Variants in MAP7D1 observed in about 807,000 individuals in gnomAD.
The protein encoded by MAP7D1 is MAP7 domain containing 1.
MAP7D1 carries 30 observed loss-of-function variants against 97.5 expected under a neutral mutation model. The observed-to-expected ratio is 0.31, with a 90% CI of 0.23 to 0.42. MAP7D1 has a LOEUF of 0.42. Among genes scored for constraint, MAP7D1 ranks in the 10% least tolerant of loss-of-function variants. The probability of loss-of-function intolerance (pLI) is 1.00; values close to 1 mark genes in which losing one functional copy is unlikely to be tolerated. For missense variants in MAP7D1, 1,184 were observed against 1,179.5 expected (o/e 1.00, Z -0.06); for synonymous variants, 536 against 477.1 (o/e 1.12, Z -1.61).
At position 36,176,848 on chromosome 1, in the gene MAP7D1, C is replaced by T. The variant is rs577166943; in HGVS notation, c.1379+6C>T. 4.5e-5 allele frequency: 71 copies of T among 1,586,210 alleles called. No individual in the cohort carries two copies. Among genetic ancestry groups the T allele is most frequent in the Middle Eastern group, 4.1e-4 (2 of 4,896 alleles). ...AGCACCGCCTCTGAGCTCAGGTGGG[C>T]GCGGGCGGTGCGAGGGACCCTGCCC... On this transcript the variant is annotated splice_donor_region_variant and intron_variant, in intron 8 of 16. Transcript: ENST00000474796. This position sits in a 1 kb window ranked among gnomAD's most constrained non-coding sequence, Gnocchi z 6.1.
chr1:36,167,567 G>A (rs1265268194), intron 1 of MAP7D1, among the ~76,000 whole-genome samples: 2 of 152,176 alleles, frequency 1.3e-5, no homozygotes, highest in Non-Finnish European at 2.9e-5. Context: ...TGCCACCGAT[G>A]ATGTACCCGT....
At chr1:36,169,584 T>A (rs1224912955) in intron 1 of MAP7D1, among the ~76,000 whole-genome samples, 1 of 151,986 alleles carries the variant, frequency 6.6e-6, no homozygotes, top group Non-Finnish European at 1.5e-5. Context: ...AAATGTTTCC[T>A]TAGATGAAGC....
At chr1:36,162,802 A>G (rs1317260658) in intron 1 of MAP7D1, among the ~76,000 whole-genome samples, 1 of 151,924 alleles carries the variant, frequency 6.6e-6, no homozygotes, top group Non-Finnish European at 1.5e-5. Flanking sequence ...TTTCTACAGT[A>G]CCCCCACCCA....
intron 1 of MAP7D1, among the ~76,000 whole-genome samples, chr1:36,169,960 C>T (rs186720094): frequency 1.3e-5 from 2 of 152,266 alleles, no homozygotes; most frequent in Admixed American, 1.3e-4. Flanking sequence ...AAGACCCTAT[C>T]TCTTAAAAAA....
At chr1:36,174,780 G>A in intron 5 of MAP7D1, 118 bp from the exon 6 acceptor site, 2 of 273,018 alleles carry the variant, frequency 7.3e-6, no homozygotes, top group Non-Finnish European at 1.5e-5. Context: ...CCTCATCCTA[G>A]CCTGCCCACT....
chr1:36,172,413 A>C (rs1644557138), intron 3 of MAP7D1, 51 bp from the exon 4 acceptor site: 1 of 1,401,314 alleles, frequency 7.1e-7, no homozygotes, highest in African/African-American at 1.4e-5. Context: ...TCCTTGGCCC[A>C]GGCCTTCTGC....
In MAP7D1 at chr1:36,171,255, A is replaced by C; in HGVS notation, c.331A>C (p.Arg111=). The change falls in exon 2 of 17, where the codon AGG becomes CGG. Residue 111 remains arginine, a synonymous_variant. Transcript: ENST00000474796. ...CCCACGGGATGCCAGACCTCCTCGA[A>C]GGAGCAGCCAGCCATCTCCAACAGC... ...MGPRDARPPR[R]SSQPSPTAVP... 6.3e-7 allele frequency: 1 copy of C among 1,597,282 alleles called. No homozygotes were observed.
At chr1:36,179,397 G>A in intron 13 of MAP7D1, 82 bp downstream of exon 13, 6 of 1,587,110 alleles carry the variant, frequency 3.8e-6, no homozygotes, top group African/African-American at 1.3e-5. Context: ...CCATGGCCAC[G>A]GAGAGCGAGG....
chr1:36,161,877 ATG>A (rs10531948), intron 1 of MAP7D1, among the ~76,000 whole-genome samples: 89,521 of 138,894 alleles, frequency 0.64, 29,344 homozygotes, highest in Non-Finnish European at 0.77. Context: ...GTGTGTGTGT[ATG>A]TGTGTGTGTG....
At chr1:36,175,033 C>T (rs1216112549) in intron 6 of MAP7D1, 25 bp downstream of exon 6, 4 of 1,495,808 alleles carry the variant, frequency 2.7e-6, no homozygotes, top group Non-Finnish European at 9.3e-7. Flanking sequence ...AGCCCTTCCC[C>T]CTCCAGAGCC....
At chr1:36,168,745 C>T (rs1053639559) in intron 1 of MAP7D1, among the ~76,000 whole-genome samples, 1 of 152,152 alleles carries the variant, frequency 6.6e-6, no homozygotes, top group African/African-American at 2.4e-5. Flanking sequence ...TATTGCGTAA[C>T]ACCTATTCCC....
chr1:36,180,504 A>G lies in MAP7D1; in HGVS notation c.*246A>G, dbSNP rs1266077508. The G allele has an allele frequency of 3.5e-6, 2 of 565,006 alleles. No individual in the cohort carries two copies. The highest frequency in any genetic ancestry group is 6.3e-6 in the Non-Finnish European group (2 of 315,500). 35.0% of individuals were successfully genotyped at this position (565,006 alleles called of 1,614,324 possible). A position where few individuals can be genotyped will look rare whatever the true frequency, so the allele number is the denominator to read the frequency against. ...CCTTCTCCCCCATACACACATATAC[A>G]CTCACAGCCTCTCTGGCCTCTTCCC... On this transcript the variant is annotated 3_prime_UTR_variant, in exon 17 of 17. Transcript: ENST00000474796.
At chr1:36,172,058 G>C in intron 3 of MAP7D1, 1 of 179,600 alleles carries the variant, frequency 5.6e-6, no homozygotes, top group Non-Finnish European at 1.2e-5. Context: ...CAGAGGCTCA[G>C]AGAGATGAAA....
Position 36,176,741 on chromosome 1 carries a change from G to A in MAP7D1, c.1278G>A (p.Lys426=). 6.2e-7 allele frequency: 1 copy of A among 1,604,676 alleles called. No homozygotes were observed. Among genetic ancestry groups the A allele is most frequent in the Non-Finnish European group, 8.5e-7 (1 of 1,176,246 alleles). ...EKKDKERENE[K]EKSALARERS... ...AGGACAAGGAGCGGGAAAACGAGAA[G>A]GAGAAGAGTGCCCTAGCCCGGGAGC... The change falls in exon 8 of 17, where the codon AAG becomes AAA. Residue 426 remains lysine (K), a synonymous_variant. Transcript: ENST00000474796. This position sits in a 1 kb window ranked among gnomAD's most constrained non-coding sequence, Gnocchi z 6.1.
At position 36,176,638 on chromosome 1, in the gene MAP7D1, T is replaced by A. The variant is rs1644628662; in HGVS notation, c.1233+57T>A. On this transcript the variant is annotated intron_variant, in intron 7 of 16. Coordinates refer to ENST00000474796, the MANE Select transcript of MAP7D1 (RefSeq NM_001388490.1). The surrounding 1 kb of genome is among the most constrained non-coding windows in gnomAD (Gnocchi z 6.1). ...CAGGTGGGGACAGGCAGCCTGGAAC[T>A]GGGGTACGCGGGCGCTGCTGACCTC... 3 of 1,582,552 alleles carry A rather than the reference T, an allele frequency of 1.9e-6. No individual in the cohort carries two copies. The Admixed American group carries it at 5.2e-5, about 27-fold the overall frequency.
chr1:36,171,608 T>G, intron 3 of MAP7D1, 27 bp downstream of exon 3: 2 of 1,612,256 alleles, frequency 1.2e-6, no homozygotes, highest in Non-Finnish European at 1.7e-6. Flanking sequence ...CCTCATCATC[T>G]TCTTCATCGT....
intron 1 of MAP7D1, among the ~76,000 whole-genome samples, chr1:36,161,356 T>G (rs1021577429): frequency 6.6e-6 from 1 of 151,966 alleles, no homozygotes; most frequent in Non-Finnish European, 1.5e-5. Context: ...GACCTCCTAT[T>G]CTCCCAGCCC....
rs755526568 is a variant in MAP7D1 at position 36,179,538 on chromosome 1, C to T, written c.2208C>T (p.Asn736=). ...ETKKQDSKEA[N]ANGSSPEPVK... is the part of the protein sequence containing the mutation. Reference sequence around the variant, plus strand: ...AGAAGCAGGACAGCAAGGAGGCCAACGCCAACGGTTCCAGCCCAGGTAAAG... The same window carrying T: ...AGAAGCAGGACAGCAAGGAGGCCAATGCCAACGGTTCCAGCCCAGGTAAAG... The change falls in exon 14 of 17, where the codon AAC becomes AAT. Residue 736 remains asparagine (N), a synonymous_variant. Coordinates refer to ENST00000474796, the MANE Select transcript of MAP7D1 (RefSeq NM_001388490.1). The T allele has an allele frequency of 6.3e-7, 1 of 1,575,188 alleles. No homozygotes were observed. The highest frequency in any genetic ancestry group is 8.6e-7 in the Non-Finnish European group (1 of 1,159,296).
chr1:36,177,664 A>T (rs1251980306), intron 8 of MAP7D1: 2 of 810,006 alleles, frequency 2.5e-6, no homozygotes, highest in African/African-American at 1.7e-5. Flanking sequence ...GGCGGGGGAC[A>T]TACAATAATC....
Sources: allele counts gnomAD v4.1 joint callset (sites outside exome capture counted in the v4.1 genomes callset), GRCh38; gene constraint gnomAD v4.1.1; non-coding constraint Gnocchi (gnomAD v3.1); transcripts MANE v1.5; gene names NCBI Gene and HGNC (gene_info 2026-07-23, HGNC 2026-07-21).